SLC9C1: variants seen among roughly 807,000 people sequenced by gnomAD.
The protein encoded by SLC9C1 is sodium/hydrogen exchanger 10.
SLC9C1 carries 97 observed loss-of-function variants against 140.9 expected under a neutral mutation model. That is an observed-to-expected ratio of 0.69 (90% CI 0.58 to 0.82). The LOEUF (loss-of-function observed/expected upper bound fraction) is 0.82, where lower values mean the gene tolerates loss of function less well. Among genes scored for constraint, SLC9C1 ranks in the 40% least tolerant of loss-of-function variants. The pLI is 0.00. For missense variants in SLC9C1, 1,340 were observed against 1,389.3 expected (o/e 0.96, Z 0.56); for synonymous variants, 440 against 442.6 (o/e 0.99, Z 0.07).
At chr3:112,157,857 TG>T (rs2075172329) in intron 26 of SLC9C1, among the ~76,000 whole-genome samples, 4 of 152,044 alleles carry the variant, frequency 2.6e-5, no homozygotes, top group African/African-American at 4.8e-5. Context: ...ACTGACTTTT[TG>T]TATGTTGATT....
intron 20 of SLC9C1, among the ~76,000 whole-genome samples, chr3:112,191,153 G>A (rs1251606896): frequency 6.6e-6 from 1 of 152,054 alleles, no homozygotes; most frequent in Non-Finnish European, 1.5e-5. Context: ...TCAGAAAATG[G>A]AGACAGTCTC....
chr3:112,160,882 A>T (rs1374528698), intron 26 of SLC9C1, among the ~76,000 whole-genome samples: 1 of 152,068 alleles, frequency 6.6e-6, no homozygotes, highest in Non-Finnish European at 1.5e-5. Context: ...TTACAGTCCC[A>T]CCAACAGTGC....
At chr3:112,228,909 A>G (rs2078749590) in intron 13 of SLC9C1, among the ~76,000 whole-genome samples, 1 of 152,084 alleles carries the variant, frequency 6.6e-6, no homozygotes. Flanking sequence ...AATAGCCAAG[A>G]TAAACAATCA....
chr3:112,154,051 T>C (rs759696663), intron 27 of SLC9C1, among the ~76,000 whole-genome samples: 2 of 150,752 alleles, frequency 1.3e-5, no homozygotes, highest in Non-Finnish European at 1.5e-5. Flanking sequence ...TCATCTTTTA[T>C]TCAACATATA....
chr3:112,228,115 G>A (rs1457132345), intron 13 of SLC9C1, among the ~76,000 whole-genome samples: 1 of 152,024 alleles, frequency 6.6e-6, no homozygotes, highest in Non-Finnish European at 1.5e-5. Context: ...GAACAAAGCT[G>A]GAGACATTAT....
At chr3:112,189,434 A>G (rs914879835) in intron 20 of SLC9C1, among the ~76,000 whole-genome samples, 1 of 152,236 alleles carries the variant, frequency 6.6e-6, no homozygotes, top group African/African-American at 2.4e-5. Flanking sequence ...ATCCAGTTTC[A>G]GCTTTCTACA....
intron 20 of SLC9C1, chr3:112,185,614 C>A: frequency 6.3e-7 from 1 of 1,591,280 alleles, no homozygotes; most frequent in Non-Finnish European, 8.6e-7. Context: ...CCCTCTCTCC[C>A]AAGGGGCAGG....
intron 20 of SLC9C1, among the ~76,000 whole-genome samples, chr3:112,192,965 A>G (rs945253571): frequency 6.6e-6 from 1 of 152,114 alleles, no homozygotes; most frequent in Non-Finnish European, 1.5e-5. Flanking sequence ...TTTGAATTTT[A>G]TGAAGTAGGT....
At chr3:112,281,274 G>A (rs896298709) in intron 2 of SLC9C1, among the ~76,000 whole-genome samples, 3 of 152,064 alleles carry the variant, frequency 2.0e-5, no homozygotes, top group African/African-American at 4.8e-5. Flanking sequence ...CGACACCATC[G>A]CCCTTCTTGT....
At chr3:112,209,983 A>G (rs1334048102) in intron 15 of SLC9C1, among the ~76,000 whole-genome samples, 1 of 152,220 alleles carries the variant, frequency 6.6e-6, no homozygotes, top group Non-Finnish European at 1.5e-5. Context: ...CAGGCAAGAT[A>G]ATCTAAAATT....
Position 112,223,327 on chromosome 3 carries a change from C to T in SLC9C1, c.1573-2102G>A, listed in dbSNP as rs114919659. 1.8e-3 allele frequency among the ~76,000 whole-genome samples: 271 copies of T among 152,012 alleles called. 1 individual carries two copies. The highest frequency in any genetic ancestry group is 3.5e-3 in the Non-Finnish European group (236 of 67,958). ...TGTCTCAAAAAATAGAAGAAGAGCA[C>T]AAAGAGATTTCAGAACATTGAACTA... On this transcript the variant is annotated intron_variant, in intron 13 of 28. Coordinates refer to ENST00000305815, the MANE Select transcript of SLC9C1 (RefSeq NM_183061.3).
chr3:112,250,735 A>T (rs897116166), intron 10 of SLC9C1, among the ~76,000 whole-genome samples: 1 of 152,172 alleles, frequency 6.6e-6, no homozygotes, highest in Non-Finnish European at 1.5e-5. Flanking sequence ...CTAAAAAGTC[A>T]AGAAATAACC....
intron 20 of SLC9C1, among the ~76,000 whole-genome samples, chr3:112,197,781 A>G (rs2077804191): frequency 6.6e-6 from 1 of 152,194 alleles, no homozygotes; most frequent in South Asian, 2.1e-4. Context: ...AATAAATTGT[A>G]CAAGTAAAAT....
intron 20 of SLC9C1, among the ~76,000 whole-genome samples, chr3:112,184,749 C>T (rs1576293766): frequency 6.6e-6 from 1 of 152,198 alleles, no homozygotes; most frequent in East Asian, 1.9e-4. Flanking sequence ...ATGGATCAGC[C>T]CCCAGCCGGA....
rs200558686 is a variant in SLC9C1 at position 112,239,973 on chromosome 3, G to A, written c.1313C>T (p.Ser438Leu). The A allele has an allele frequency of 1.2e-4, 201 of 1,612,080 alleles. 1 individual carries two copies. Among genetic ancestry groups the A allele is most frequent in the Admixed American group, 2.0e-4 (12 of 59,638 alleles). Residue 438 changes from serine to leucine, a missense_variant, in exon 12 of 29, where the codon TCG (serine) becomes TTG (leucine). Coordinates refer to ENST00000305815, the MANE Select transcript of SLC9C1 (RefSeq NM_183061.3). Reference sequence around the variant, plus strand: ...AAAGTGTTGAAATGTGCAACAAACCGATTTATATTTTGTTGATGTGGCATC... The same window carrying A: ...AAAGTGTTGAAATGTGCAACAAACCAATTTATATTTTGTTGATGTGGCATC... ...LRDATSTKYKSVCCTFQHFQE... is the reference protein window; with the variant it reads ...LRDATSTKYKLVCCTFQHFQE...
chr3:112,190,940 C>T (rs2107994687), intron 20 of SLC9C1, among the ~76,000 whole-genome samples: 1 of 141,664 alleles, frequency 7.1e-6, no homozygotes, highest in Middle Eastern at 3.9e-3. Flanking sequence ...CACACACACA[C>T]ACACACACAC....
rs1402200560 is a variant in SLC9C1, at chr3:112,182,166, T to C, written c.2616A>G (p.Leu872=). The C allele has an allele frequency of 5.7e-6, 9 of 1,579,374 alleles. No homozygotes were observed. The highest frequency in any genetic ancestry group is 6.9e-6 in the Non-Finnish European group (8 of 1,164,492). ...AGTTTATATAATCTTTGTTTTTATC[T>C]AGCCACGGAATATGATATAGAACTT... The part of the protein sequence containing the change: ...VEEVLYHIPW[L]DKNKDYINFI... Residue 872 remains leucine, a synonymous_variant, in exon 21 of 29, where the codon CTA becomes CTG. Transcript: ENST00000305815.
chr3:112,260,881 A>G (rs912513785), intron 10 of SLC9C1, among the ~76,000 whole-genome samples: 2 of 152,024 alleles, frequency 1.3e-5, no homozygotes, highest in Non-Finnish European at 2.9e-5. Flanking sequence ...TTTGATTAGT[A>G]TTGAAGTAAT....
chr3:112,169,088 CTAT>C (rs2077195946), intron 24 of SLC9C1, 26 bp from the exon 25 acceptor site: 2 of 1,573,732 alleles, frequency 1.3e-6, no homozygotes, highest in South Asian at 1.2e-5. Flanking sequence ...CAATTTCAGT[CTAT>C]TATTAGTCTA....
Sources: gnomAD v4.1 joint callset for allele counts (sites outside exome capture counted in the v4.1 genomes callset) on GRCh38, gnomAD v4.1.1 for gene constraint, MANE v1.5 for transcripts, NCBI Gene and HGNC (gene_info 2026-07-23, HGNC 2026-07-21) for gene names.